Variants in FUT8 observed in about 807,000 individuals in gnomAD.
FUT8 encodes fucosyltransferase 8.
Under a neutral mutation model 71.3 loss-of-function variants are expected in FUT8, and 29 were observed. The observed-to-expected ratio is 0.41, with a 90% CI of 0.30 to 0.55. The LOEUF (loss-of-function observed/expected upper bound fraction) is 0.55. Ranked by LOEUF, FUT8 falls within the 20% of genes least tolerant of loss-of-function variation. The pLI, the probability that FUT8 is intolerant of heterozygous loss-of-function variation, is 0.34. For missense variants in FUT8, 544 were observed against 702.1 expected (o/e 0.77, Z 2.55); for synonymous variants, 254 against 239.3 (o/e 1.06, Z -0.57).
chr14:65,611,468 C>T (rs1594816371), intron 3 of FUT8, among the ~76,000 whole-genome samples: 1 of 151,250 alleles, frequency 6.6e-6, no homozygotes. Context: ...TTTCATTGAT[C>T]GTCTCTCTGA....
At chr14:65,741,779 A>G (rs1243493167) in intron 10 of FUT8, among the ~76,000 whole-genome samples, 1 of 152,038 alleles carries the variant, frequency 6.6e-6, no homozygotes, top group Non-Finnish European at 1.5e-5. Flanking sequence ...CTGTGTATGT[A>G]GCTCTTAATA....
intron 6 of FUT8, among the ~76,000 whole-genome samples, chr14:65,651,271 C>G (rs1166635895): frequency 6.6e-6 from 1 of 152,200 alleles, no homozygotes. Context: ...AGAATCAATA[C>G]AGAAAAAGGT....
chr14:65,563,336 T>C (rs1224995019), intron 3 of FUT8, among the ~76,000 whole-genome samples: 1 of 152,098 alleles, frequency 6.6e-6, no homozygotes, highest in Non-Finnish European at 1.5e-5. Flanking sequence ...TTTCACACTA[T>C]CTTTATGAGA....
At chr14:65,572,244 G>C (rs1000801563) in intron 3 of FUT8, among the ~76,000 whole-genome samples, 25 of 152,158 alleles carry the variant, frequency 1.6e-4, no homozygotes, top group African/African-American at 5.8e-4. Context: ...TGTCCTAACA[G>C]TAACATTAGC....
At chr14:65,541,309 G>A (rs376868550) in intron 2 of FUT8, among the ~76,000 whole-genome samples, 8 of 152,186 alleles carry the variant, frequency 5.3e-5, no homozygotes, top group East Asian at 1.9e-4. Flanking sequence ...TTTATCATGG[G>A]ATTATAGTCA....
intron 2 of FUT8, among the ~76,000 whole-genome samples, chr14:65,485,129 G>C (rs1048397855): frequency 1.3e-4 from 19 of 151,766 alleles, no homozygotes; most frequent in Admixed American, 3.3e-4. Context: ...TTGAGCCCAG[G>C]TATTCAGGAC....
intron 5 of FUT8, among the ~76,000 whole-genome samples, chr14:65,618,770 A>T (rs1889440544): frequency 6.6e-6 from 1 of 152,198 alleles, no homozygotes; most frequent in Admixed American, 6.5e-5. Flanking sequence ...ACATTGGCTC[A>T]AATGATAGTG....
the FUT8 span, among the ~76,000 whole-genome samples, chr14:65,372,261 A>G: frequency 6.6e-5 from 10 of 152,142 alleles, no homozygotes; most frequent in Non-Finnish European, 1.2e-4. Flanking sequence ...GGCCTTCAAC[A>G]TCTCAGACCA....
intron 6 of FUT8, among the ~76,000 whole-genome samples, chr14:65,667,429 A>G (rs1398770516): frequency 3.3e-5 from 5 of 152,146 alleles, no homozygotes; most frequent in Non-Finnish European, 7.4e-5. Flanking sequence ...CAAAATTGCC[A>G]CAAAAAGAAT....
chr14:65,357,832 A>T, the FUT8 span, among the ~76,000 whole-genome samples: 2 of 152,226 alleles, frequency 1.3e-5, no homozygotes, highest in African/African-American at 4.8e-5. Flanking sequence ...TACACCCTGA[A>T]CTGGTGGTAA....
At chr14:65,416,414 A>G (rs2065220196) in intron 1 of FUT8, among the ~76,000 whole-genome samples, 1 of 151,546 alleles carries the variant, frequency 6.6e-6, no homozygotes, top group African/African-American at 2.4e-5. Flanking sequence ...CAGTCTCTTG[A>G]GTAGCTGGGA....
intron 9 of FUT8, among the ~76,000 whole-genome samples, chr14:65,728,066 C>T (rs1045096890): frequency 6.6e-6 from 1 of 152,202 alleles, no homozygotes; most frequent in Non-Finnish European, 1.5e-5. Context: ...GTCCATATCA[C>T]TGTCAGCATT....
chr14:65,464,204 T>C (rs1312115184), intron 2 of FUT8, among the ~76,000 whole-genome samples: 1 of 151,744 alleles, frequency 6.6e-6, no homozygotes, highest in Non-Finnish European at 1.5e-5. Flanking sequence ...CCTTTTATCT[T>C]ACAATCTGTA....
At chr14:65,393,957 C>CATT in the FUT8 span, among the ~76,000 whole-genome samples, 741 of 152,012 alleles carry the variant, frequency 4.9e-3, 7 homozygotes, top group African/African-American at 0.017. Flanking sequence ...TTCCCCTTAT[C>CATT]ATTATTATTA....
chr14:65,486,778 C>T (rs1166749089), intron 2 of FUT8, among the ~76,000 whole-genome samples: 1 of 151,956 alleles, frequency 6.6e-6, no homozygotes, highest in African/African-American at 2.4e-5. Context: ...ATATTTATCC[C>T]GAGGGTTGTA....
chr14:65,376,917 T>C, the FUT8 span, among the ~76,000 whole-genome samples: 5 of 152,174 alleles, frequency 3.3e-5, no homozygotes, highest in African/African-American at 1.2e-4. Flanking sequence ...TAGAAAAGGA[T>C]GGATGTGTCA....
upstream of FUT8, chr14:65,412,715 G>A (rs1211149933): frequency 5.6e-6 from 1 of 177,310 alleles, no homozygotes; most frequent in African/African-American, 2.4e-5. Flanking sequence ...GGAACGCCGA[G>A]GGGCGCGCTC....
intron 1 of FUT8, among the ~76,000 whole-genome samples, chr14:65,440,907 A>G (rs192496331): frequency 5.5e-4 from 84 of 152,330 alleles, no homozygotes; most frequent in South Asian, 2.3e-3. Flanking sequence ...CTTCACCTAA[A>G]TGAGGCTGAG....
At chr14:65,447,357 A>G (rs1193552868) in intron 1 of FUT8, among the ~76,000 whole-genome samples, 1 of 151,936 alleles carries the variant, frequency 6.6e-6, no homozygotes, top group Non-Finnish European at 1.5e-5. Context: ...CTTGGTGAAT[A>G]TAAGCTGCAT....
Sources: gnomAD v4.1 joint callset for allele counts (sites outside exome capture counted in the v4.1 genomes callset) on GRCh38, gnomAD v4.1.1 for gene constraint, MANE v1.5 for transcripts, NCBI Gene and HGNC (gene_info 2026-07-23, HGNC 2026-07-21) for gene names.